The following MECOM variants were observed in gnomAD, a reference collection of about 807,000 sequenced individuals.
MECOM encodes histone-lysine N-methyltransferase MECOM.
A neutral mutation model predicts 116.3 loss-of-function variants in MECOM; 13 were observed. That is an observed-to-expected ratio of 0.11 (90% CI 0.07 to 0.18). MECOM has a LOEUF of 0.18. Among genes scored for constraint, MECOM ranks in the 10% least tolerant of loss-of-function variants. MECOM has a pLI of 1.00. For missense variants in MECOM, 1,299 were observed against 1,509.0 expected (o/e 0.86, Z 2.31); for synonymous variants, 528 against 535.2 (o/e 0.99, Z 0.19).
chr3:169,229,720 C>A (rs1221105658), intron 2 of MECOM, among the ~76,000 whole-genome samples: 1 of 152,130 alleles, frequency 6.6e-6, no homozygotes, highest in Non-Finnish European at 1.5e-5. Context: ...AGATAGCACT[C>A]ATGAGTGTGA....
intron 2 of MECOM, among the ~76,000 whole-genome samples, chr3:169,251,218 G>A (rs768754401): frequency 2.6e-5 from 4 of 152,190 alleles, no homozygotes; most frequent in Non-Finnish European, 4.4e-5. Flanking sequence ...TGGATCCCAT[G>A]AAGCAAATGT....
intron 2 of MECOM, among the ~76,000 whole-genome samples, chr3:169,149,184 G>A (rs1372720730): frequency 1.3e-5 from 2 of 148,156 alleles, no homozygotes; most frequent in African/African-American, 5.0e-5. Flanking sequence ...ATGATGCATT[G>A]TGTATTAAAT....
At chr3:169,119,645 T>C (rs919939959) in intron 7 of MECOM, among the ~76,000 whole-genome samples, 2 of 152,162 alleles carry the variant, frequency 1.3e-5, no homozygotes, top group African/African-American at 4.8e-5. Context: ...TAATAAAACT[T>C]ACCAAAATTT....
intron 2 of MECOM, among the ~76,000 whole-genome samples, chr3:169,290,485 C>T (rs940837434): frequency 5.3e-5 from 8 of 151,798 alleles, no homozygotes; most frequent in African/African-American, 1.9e-4. Flanking sequence ...GAATGTGCAC[C>T]CACAGGATGC....
intron 1 of MECOM, among the ~76,000 whole-genome samples, chr3:169,440,117 T>A (rs1743353861): frequency 6.6e-6 from 1 of 152,166 alleles, no homozygotes; most frequent in African/African-American, 2.4e-5. Context: ...TTTGGTTGTG[T>A]TCCACTTCCT....
intron 7 of MECOM, among the ~76,000 whole-genome samples, chr3:169,117,725 A>G (rs1174052685): frequency 6.6e-6 from 1 of 152,228 alleles, no homozygotes; most frequent in Non-Finnish European, 1.5e-5. Flanking sequence ...TTGTCAATAA[A>G]GTAGAATCTT....
At chr3:169,233,785 C>T (rs1174259360) in intron 2 of MECOM, among the ~76,000 whole-genome samples, 1 of 152,148 alleles carries the variant, frequency 6.6e-6, no homozygotes, top group African/African-American at 2.4e-5. Flanking sequence ...TTCCATACTA[C>T]AGTACTTTCC....
chr3:169,656,513 A>G (rs1775562825), intron 1 of MECOM, among the ~76,000 whole-genome samples: 1 of 152,194 alleles, frequency 6.6e-6, no homozygotes, highest in Admixed American at 6.5e-5. Context: ...TCCATAATGA[A>G]ACAGTTCTTT....
At position 169,143,830 on chromosome 3, in the gene MECOM, G is replaced by A; in HGVS notation, c.378C>T (p.Ile126=). ...ACTTCACATTGTAAAATTCGTCTAA[G>A]ATCTGGAGGGAAGAAGATGAGAACA... ...NLKDPSYGWE[I]LDEFYNVKFC... The change falls in exon 3 of 17, where the codon ATC becomes ATT. Residue 126 remains isoleucine (I), a splice_region_variant and synonymous_variant. Coordinates refer to ENST00000651503, the MANE Select transcript of MECOM (RefSeq NM_004991.4). 6.3e-7 allele frequency: 1 copy of A among 1,599,578 alleles called. No homozygotes were observed. The highest frequency in any genetic ancestry group is 1.1e-5 in the South Asian group (1 of 88,496).
At chr3:169,331,539 T>C (rs1445236575) in intron 2 of MECOM, among the ~76,000 whole-genome samples, 1 of 152,144 alleles carries the variant, frequency 6.6e-6, no homozygotes, top group African/African-American at 2.4e-5. Context: ...AGAATGATAA[T>C]AGAAGGCAGG....
At chr3:169,191,742 GAA>G (rs1559973675) in intron 2 of MECOM, among the ~76,000 whole-genome samples, 1 of 99,614 alleles carries the variant, frequency 1.0e-5, no homozygotes, top group East Asian at 5.0e-4. Context: ...GAAAGAAAGA[GAA>G]AGAAAGAAAG....
intron 2 of MECOM, chr3:169,147,424 C>G: frequency 1.0e-6 from 1 of 985,444 alleles, no homozygotes; most frequent in Non-Finnish European, 1.2e-6. Context: ...CAGAAAGAAC[C>G]CGGGGCGAGG....
intron 1 of MECOM, among the ~76,000 whole-genome samples, chr3:169,395,044 A>G (rs1456034025): frequency 6.6e-6 from 1 of 152,230 alleles, no homozygotes; most frequent in African/African-American, 2.4e-5. Flanking sequence ...CAGGTCAAAT[A>G]TATATACAAA....
chr3:169,594,178 A>AAACAACACCTT (rs1553894686), intron 1 of MECOM, among the ~76,000 whole-genome samples: 1 of 138,598 alleles, frequency 7.2e-6, no homozygotes, highest in Non-Finnish European at 1.6e-5. Context: ...AAAAAAAAAC[A>AAACAACACCTT]CCTTTTCACC....
chr3:169,412,935 T>C (rs1186378363), intron 1 of MECOM, among the ~76,000 whole-genome samples: 1 of 152,266 alleles, frequency 6.6e-6, no homozygotes, highest in Non-Finnish European at 1.5e-5. Flanking sequence ...GAGCACTTAC[T>C]TTTGTGTTTT....
intron 1 of MECOM, among the ~76,000 whole-genome samples, chr3:169,607,737 C>T (rs2109795470): frequency 6.6e-6 from 1 of 152,346 alleles, no homozygotes; most frequent in East Asian, 1.9e-4. Context: ...CTGCTATAAT[C>T]TTAAATCCCT....
chr3:169,094,891 A>G (rs1720990891), intron 13 of MECOM, among the ~76,000 whole-genome samples, 185 bp downstream of exon 13: 1 of 152,254 alleles, frequency 6.6e-6, no homozygotes, highest in Non-Finnish European at 1.5e-5. Flanking sequence ...CCACTGAATT[A>G]TAAATTAATG....
rs1404932880 is a variant in MECOM, at chr3:169,378,452, GGAAAGCA to G, written c.375+2728_375+2734del. 9.9e-4 allele frequency among the ~76,000 whole-genome samples: 64 copies of G among 64,566 alleles called. 1 individual carries two copies. Among genetic ancestry groups the G allele is most frequent in the South Asian group, 1.5e-3 (3 of 1,952 alleles). The allele number at this position is 64,566 out of a possible 152,430, so 42.4% of individuals were successfully genotyped here. On this transcript the variant is annotated intron_variant, in intron 2 of 16. Transcript: ENST00000651503. ...AAGAAAGAAAGAAAGAAAGAAAGAAGGAAAGCAAGCAAGCAAGCAAGCAAGAAAGAGA... is the reference window on the plus strand; with the variant it reads ...AAGAAAGAAAGAAAGAAAGAAAGAAGAGCAAGCAAGCAAGCAAGAAAGAGA...
At chr3:169,383,634 C>T (rs552398853) in intron 1 of MECOM, among the ~76,000 whole-genome samples, 1 of 152,172 alleles carries the variant, frequency 6.6e-6, no homozygotes, top group Non-Finnish European at 1.5e-5. Flanking sequence ...TTCCACTATC[C>T]ATCAACACTG....
Sources: allele counts gnomAD v4.1 joint callset (sites outside exome capture counted in the v4.1 genomes callset), GRCh38; gene constraint gnomAD v4.1.1; transcripts MANE v1.5; gene names NCBI Gene and HGNC (gene_info 2026-07-23, HGNC 2026-07-21).